DIP2A: variants seen among roughly 807,000 people sequenced by gnomAD.
DIP2A encodes disco-interacting protein 2 homolog A.
In DIP2A, 85 loss-of-function variants were observed where a neutral mutation model predicts 177.4. The ratio of observed to expected loss-of-function variants is 0.48; its 90% CI spans 0.40 to 0.57. The LOEUF (loss-of-function observed/expected upper bound fraction) is 0.57, where lower values mean the gene tolerates loss of function less well. DIP2A is among the 20% of genes least tolerant of loss of function. The pLI is 0.00. For synonymous variants in DIP2A, 886 were observed against 881.8 expected (o/e 1.00, Z -0.08); for missense variants, 1,791 against 2,100.2 (o/e 0.85, Z 2.88).
chr21:46,485,769 CAAAT>C (rs1298509943), intron 2 of DIP2A, among the ~76,000 whole-genome samples: 4 of 151,902 alleles, frequency 2.6e-5, no homozygotes, highest in African/African-American at 4.8e-5. Context: ...AGTTGTAACA[CAAAT>C]AAGAAGTAGT....
intron 8 of DIP2A, among the ~76,000 whole-genome samples, chr21:46,519,037 G>T (rs2058705167): frequency 6.6e-6 from 1 of 152,188 alleles, no homozygotes; most frequent in Non-Finnish European, 1.5e-5. Context: ...AAAGGGGTGG[G>T]CAGTTTCTGG....
intron 6 of DIP2A, among the ~76,000 whole-genome samples, chr21:46,506,982 G>T (rs1451237520): frequency 6.6e-6 from 1 of 151,426 alleles, no homozygotes; most frequent in Non-Finnish European, 1.5e-5. Context: ...TGTCTTTTTA[G>T]TAGAGACCAG....
At chr21:46,558,484 G>T (rs772230012) in intron 32 of DIP2A, 91 bp downstream of exon 32, 2 of 1,311,248 alleles carry the variant, frequency 1.5e-6, no homozygotes, top group African/African-American at 1.5e-5. Flanking sequence ...TTTTGTAGCC[G>T]CCTGATCTAT....
intron 7 of DIP2A, among the ~76,000 whole-genome samples, chr21:46,510,575 T>TA (rs139608856): frequency 0.048 from 7,178 of 151,054 alleles, 231 homozygotes; most frequent in Non-Finnish European, 0.065. Context: ...CTTTTTAAAG[T>TA]AAAAAACAAG....
intron 18 of DIP2A, among the ~76,000 whole-genome samples, chr21:46,543,255 T>C (rs1162838701): frequency 6.6e-6 from 1 of 152,224 alleles, no homozygotes; most frequent in African/African-American, 2.4e-5. Flanking sequence ...GTGTCACTTA[T>C]TTACTCATGG....
At chr21:46,555,332 G>A (rs937008321) in intron 28 of DIP2A, among the ~76,000 whole-genome samples, 4 of 152,356 alleles carry the variant, frequency 2.6e-5, no homozygotes, top group Middle Eastern at 3.4e-3. Flanking sequence ...AATGCTGAGG[G>A]CCAACAGGGT....
In DIP2A at chr21:46,565,715, C is replaced by A; in HGVS notation, c.4167C>A (p.Ile1389=). ...GPLGDSHLGE[I]WVSSPHNATG... is the part of the protein sequence containing the mutation. Reference sequence around the variant, plus strand: ...TTCTTGTCCTCTGGGCCCACCAGATCTGGGTAAGCAGCCCCCACAATGCCA... The same window carrying A: ...TTCTTGTCCTCTGGGCCCACCAGATATGGGTAAGCAGCCCCCACAATGCCA... The change falls in exon 36 of 38, where the codon ATC becomes ATA. Residue 1389 remains isoleucine, a splice_region_variant and synonymous_variant. Transcript: ENST00000417564. 2 of 1,613,282 alleles carry A rather than the reference C, an allele frequency of 1.2e-6. No homozygotes were observed.
At chr21:46,512,558 G>T (rs1426221973) in intron 8 of DIP2A, among the ~76,000 whole-genome samples, 1 of 152,104 alleles carries the variant, frequency 6.6e-6, no homozygotes, top group Non-Finnish European at 1.5e-5. Context: ...ATGCTTATTG[G>T]TTGTTTGAAT....
Position 46,557,048 on chromosome 21 carries a change from T to G in DIP2A, c.3608T>G (p.Phe1203Cys), listed in dbSNP as rs1298240659. 1.1e-5 allele frequency: 17 copies of G among 1,607,396 alleles called. No individual in the cohort carries two copies. Among genetic ancestry groups the G allele is most frequent in the Non-Finnish European group, 1.4e-5 (17 of 1,177,280 alleles). Residue 1203 changes from phenylalanine to cysteine, a missense_variant, in exon 30 of 38, where the codon TTT (phenylalanine) becomes TGT (cysteine). Physicochemically the swap from Phe to Cys is radical, Grantham distance 205 (BLOSUM62 -2). Coordinates refer to ENST00000417564, the MANE Select transcript of DIP2A (RefSeq NM_015151.4). This position sits in a 1 kb window ranked among gnomAD's most constrained non-coding sequence, Gnocchi z 6.0. ...ICLDPYCGLG[F>C]ALWCLCSVYS... ...CTCGACCCCTACTGTGGCCTTGGTT[T>G]TGCCCTGTGGTGTCTGTGCAGGTGA...
chr21:46,543,598 C>T (rs551271155), intron 18 of DIP2A, among the ~76,000 whole-genome samples: 23 of 109,346 alleles, frequency 2.1e-4, no homozygotes, highest in South Asian at 1.7e-3. Context: ...CCACAGCCCC[C>T]GGGCTGTACC....
At chr21:46,504,768 C>G (rs1182818542) in intron 6 of DIP2A, among the ~76,000 whole-genome samples, 1 of 152,166 alleles carries the variant, frequency 6.6e-6, no homozygotes, top group African/African-American at 2.4e-5. Context: ...GCGTTTCGAT[C>G]TGCAATATAG....
chr21:46,483,295 A>G (rs941410328), intron 1 of DIP2A, among the ~76,000 whole-genome samples: 5 of 152,200 alleles, frequency 3.3e-5, no homozygotes, highest in South Asian at 2.1e-4. Context: ...AAAAGACACT[A>G]TAGAAAGAAG....
intron 1 of DIP2A, among the ~76,000 whole-genome samples, chr21:46,471,332 T>C (rs921744542): frequency 6.6e-6 from 1 of 152,172 alleles, no homozygotes; most frequent in Admixed American, 6.5e-5. Context: ...TGCCTGGCCT[T>C]ATTTGTTTTT....
chr21:46,575,401 TCAACA>T, the DIP2A span, among the ~76,000 whole-genome samples: 1 of 152,024 alleles, frequency 6.6e-6, no homozygotes. Context: ...TCACTTCCAC[TCAACA>T]CAGAACTGGA....
intron 36 of DIP2A, 84 bp downstream of exon 36, chr21:46,565,971 CCTCA>C: frequency 1.4e-6 from 2 of 1,478,388 alleles, no homozygotes; most frequent in South Asian, 2.5e-5. Flanking sequence ...TGCTAGCACA[CCTCA>C]CTCCTTGCTG....
chr21:46,470,915 G>A (rs56181004), intron 1 of DIP2A, among the ~76,000 whole-genome samples: 18,078 of 140,282 alleles, frequency 0.13, 1,156 homozygotes, highest in African/African-American at 0.15. Flanking sequence ...GGAAACGAGT[G>A]AAATTCTGTT....
At position 46,498,585 on chromosome 21, in the gene DIP2A, C is replaced by A; in HGVS notation, c.407C>A (p.Thr136Lys). ...SSVETYTPPD[T>K]SSASEDEGSL... ...GTCATCGTTATTTTAACCACAGACA[C>A]GTCGTCTGCCTCAGAAGATGAGGGC... The change falls in exon 5 of 38, where the codon ACG (threonine) becomes AAG (lysine). Residue 136 changes from threonine (T) to lysine (K), a missense_variant. Thr to Lys is a moderately conservative substitution (Grantham distance 78). Transcript: ENST00000417564. This position sits in a 1 kb window ranked among gnomAD's most constrained non-coding sequence, Gnocchi z 4.3. 1 of 1,605,398 alleles carries A rather than the reference C, an allele frequency of 6.2e-7. No individual in the cohort carries two copies. The highest frequency in any genetic ancestry group is 8.5e-7 in the Non-Finnish European group (1 of 1,174,304).
intron 21 of DIP2A, among the ~76,000 whole-genome samples, chr21:46,548,050 C>T (rs953901350): frequency 6.6e-6 from 1 of 152,024 alleles, no homozygotes; most frequent in Non-Finnish European, 1.5e-5. Flanking sequence ...TTAAAGCAAT[C>T]GTGAGGGGAT....
chr21:46,540,017 A>C, intron 17 of DIP2A, 26 bp downstream of exon 17: 91 of 1,570,198 alleles, frequency 5.8e-5, no homozygotes, highest in Non-Finnish European at 7.4e-5. Flanking sequence ...GCTATGTCTC[A>C]TGAGCACTTA....
Sources: allele counts gnomAD v4.1 joint callset (sites outside exome capture counted in the v4.1 genomes callset), GRCh38; gene constraint gnomAD v4.1.1; non-coding constraint Gnocchi (gnomAD v3.1); transcripts MANE v1.5; gene names NCBI Gene and HGNC (gene_info 2026-07-23, HGNC 2026-07-21).